Variants in ATF2 observed in about 807,000 individuals in gnomAD.
The protein encoded by ATF2 is activating transcription factor 2.
Under a neutral mutation model 60.6 loss-of-function variants are expected in ATF2, and 24 were observed. The ratio of observed to expected loss-of-function variants is 0.40; its 90% CI spans 0.29 to 0.56. The LOEUF is 0.56. ATF2 is among the 20% of genes least tolerant of loss of function. The pLI is 0.54. For synonymous variants in ATF2, 206 were observed against 215.4 expected, an observed-to-expected ratio of 0.96 and a Z score of 0.38; for missense variants, 433 against 607.7, an observed-to-expected ratio of 0.71 and a Z score of 3.02.
At chr2:175,139,121 C>T (rs1431607697) in intron 2 of ATF2, among the ~76,000 whole-genome samples, 4 of 152,186 alleles carry the variant, frequency 2.6e-5, no homozygotes, top group Non-Finnish European at 4.4e-5. Flanking sequence ...AAAATGGCAG[C>T]TGCAGTTCTA....
chr2:175,153,686 C>T (rs188492975), intron 1 of ATF2, among the ~76,000 whole-genome samples: 26 of 151,726 alleles, frequency 1.7e-4, no homozygotes, highest in African/African-American at 1.9e-4. Context: ...AAAAATTAGC[C>T]GGGCATGGTG....
chr2:175,110,063 G>A (rs1231736106), intron 10 of ATF2, among the ~76,000 whole-genome samples: 1 of 152,172 alleles, frequency 6.6e-6, no homozygotes, highest in Non-Finnish European at 1.5e-5. Context: ...CAGGCCGGGT[G>A]TGGTGGCTCA....
In ATF2 at chr2:175,127,423, T is replaced by C. The variant is rs192893206; in HGVS notation, c.102+2715A>G. Among the ~76,000 whole-genome samples, 24 of 152,168 alleles carry C rather than the reference T, an allele frequency of 1.6e-4. 1 individual carries two copies. In the East Asian group the frequency reaches 3.1e-3, roughly 20 times the overall value. ...CCAAAACATATGTCAAATTAGCCTA[T>C]TTCTCTCTCTGTGTCCACTGTTAAC... On this transcript the variant is annotated intron_variant, in intron 4 of 13. Coordinates refer to ENST00000264110, the MANE Select transcript of ATF2 (RefSeq NM_001880.4).
chr2:175,165,811 G>A (rs115260601), intron 1 of ATF2, among the ~76,000 whole-genome samples: 2,255 of 152,272 alleles, frequency 0.015, 25 homozygotes, highest in Middle Eastern at 0.054. Context: ...TGGGACTACA[G>A]GAGCCAACAC....
intron 12 of ATF2, among the ~76,000 whole-genome samples, chr2:175,082,135 T>C (rs1405122182): frequency 1.3e-5 from 2 of 152,094 alleles, no homozygotes; most frequent in African/African-American, 2.4e-5. Flanking sequence ...AATTAAATAA[T>C]AAAAGTTAAG....
intron 13 of ATF2, among the ~76,000 whole-genome samples, chr2:175,078,302 TG>T (rs1693512038): frequency 7.1e-6 from 1 of 140,482 alleles, no homozygotes; most frequent in African/African-American, 3.3e-5. Flanking sequence ...AAAGTATTTG[TG>T]GTTGATTAGT....
At chr2:175,098,710 G>C (rs1695106584) in intron 10 of ATF2, among the ~76,000 whole-genome samples, 1 of 152,162 alleles carries the variant, frequency 6.6e-6, no homozygotes, top group African/African-American at 2.4e-5. Flanking sequence ...AAAGGGGTGA[G>C]TGAGAGAAGA....
intron 10 of ATF2, among the ~76,000 whole-genome samples, chr2:175,098,127 C>T (rs1695063230): frequency 6.6e-6 from 1 of 152,208 alleles, no homozygotes; most frequent in South Asian, 2.1e-4. Context: ...AGTAAGCTCT[C>T]TAAGAGCAGA....
rs779685158 is a variant in ATF2, at chr2:175,130,162, T to C, written c.78A>G (p.Leu26=). 4.4e-6 allele frequency: 7 copies of C among 1,596,706 alleles called. No homozygotes were observed. The highest frequency in any genetic ancestry group is 3.5e-5 in the South Asian group (3 of 86,720). Residue 26 remains leucine (L), a synonymous_variant, in exon 4 of 14, where the codon CTA becomes CTG. Transcript: ENST00000264110. ...LWNMSDDKPF[L]CTAPGCGQRF... is the part of the protein sequence containing the mutation. ...CCTGGCCACATCCAGGCGCAGTACA[T>C]AGAAAGGGTTTGTCATCACTCATAT...
chr2:175,126,725 A>C (rs1367573900), intron 4 of ATF2: 1 of 152,170 alleles, frequency 6.6e-6, no homozygotes, highest in African/African-American at 2.4e-5. Flanking sequence ...TTTAAGCAGA[A>C]GAGAATCAGG....
chr2:175,116,238 A>G (rs949504794), intron 7 of ATF2, among the ~76,000 whole-genome samples: 1 of 152,138 alleles, frequency 6.6e-6, no homozygotes. Context: ...TAATAATCCA[A>G]ACAAAAGATG....
intron 2 of ATF2, among the ~76,000 whole-genome samples, chr2:175,144,177 ATTTC>A (rs1468637545): frequency 6.6e-6 from 1 of 152,122 alleles, no homozygotes; most frequent in Non-Finnish European, 1.5e-5. Context: ...TATGACATGG[ATTTC>A]TGATCGGGCA....
In ATF2 at chr2:175,074,650, C is replaced by G; in HGVS notation, c.1477G>C (p.Val493Leu). The G allele has an allele frequency of 6.2e-7, 1 of 1,613,184 alleles. No individual in the cohort carries two copies. Among genetic ancestry groups the G allele is most frequent in the Non-Finnish European group, 8.5e-7 (1 of 1,179,576 alleles). The change falls in exon 14 of 14, where the codon GTT becomes CTT. Residue 493 changes from valine (V) to leucine (L), a missense_variant. Transcript: ENST00000264110. ...TGTGACTGGGAGGAAGGAGCCATAACGATCTGTGAAAGAGCAGGCTCTGTA... is the reference window on the plus strand; with the variant it reads ...TGTGACTGGGAGGAAGGAGCCATAAGGATCTGTGAAAGAGCAGGCTCTGTA... The part of the protein sequence containing the change: ...QSTEPALSQI[V>L]MAPSSQSQPS...
At chr2:175,131,548 A>G (rs1697729984) in intron 3 of ATF2, among the ~76,000 whole-genome samples, 1 of 152,214 alleles carries the variant, frequency 6.6e-6, no homozygotes, top group African/African-American at 2.4e-5. Flanking sequence ...ACAATCTGTG[A>G]GCATTATAAG....
intron 2 of ATF2, among the ~76,000 whole-genome samples, chr2:175,140,821 C>CAA (rs113384509): frequency 3.1e-4 from 30 of 97,878 alleles, no homozygotes; most frequent in East Asian, 8.6e-4. Flanking sequence ...TGTCTCTATA[C>CAA]AAAAAAAAAA....
In ATF2 at chr2:175,072,364, C is replaced by G. The variant is rs1382922202; in HGVS notation, c.*2245G>C. On this transcript the variant is annotated 3_prime_UTR_variant, in exon 14 of 14. Transcript: ENST00000264110. ...ATTGCAAATATAAGGACTGAAAATGCTAGGTACAGAAGTAGTATGACATCC... is the reference window on the plus strand; with the variant it reads ...ATTGCAAATATAAGGACTGAAAATGGTAGGTACAGAAGTAGTATGACATCC... The G allele has an allele frequency of 6.6e-6, 1 of 151,998 alleles. No homozygotes were observed. Among genetic ancestry groups the G allele is most frequent in the Admixed American group, 6.6e-5 (1 of 15,244 alleles). 9.4% of individuals were successfully genotyped at this position (151,998 alleles called of 1,614,324 possible). A position where few individuals can be genotyped will look rare whatever the true frequency, so the allele number is the denominator to read the frequency against.
At chr2:175,141,995 A>T (rs1373889840) in intron 2 of ATF2, among the ~76,000 whole-genome samples, 1 of 152,160 alleles carries the variant, frequency 6.6e-6, no homozygotes, top group Non-Finnish European at 1.5e-5. Flanking sequence ...GAACAGAAAA[A>T]TAGGGAAGAG....
At chr2:175,149,276 A>C (rs753499032) in intron 2 of ATF2, among the ~76,000 whole-genome samples, 2 of 152,162 alleles carry the variant, frequency 1.3e-5, no homozygotes, top group African/African-American at 4.8e-5. Context: ...AAAATTGTTA[A>C]AGGTGGGGGC....
intron 13 of ATF2, 46 bp downstream of exon 13, chr2:175,080,614 T>C (rs748984680): frequency 6.2e-6 from 9 of 1,455,710 alleles, no homozygotes; most frequent in Middle Eastern, 1.8e-4. Context: ...TCTGACGGTA[T>C]TTCACTGACG....
Sources: allele counts gnomAD v4.1 joint callset (sites outside exome capture counted in the v4.1 genomes callset), GRCh38; gene constraint gnomAD v4.1.1; transcripts MANE v1.5; gene names NCBI Gene and HGNC (gene_info 2026-07-23, HGNC 2026-07-21).